KIAA1549L: variants seen among roughly 807,000 people sequenced by gnomAD.
The protein encoded by KIAA1549L is UPF0606 protein KIAA1549L.
Under a neutral mutation model 160.7 loss-of-function variants are expected in KIAA1549L, and 88 were observed. The observed-to-expected ratio is 0.55, with a 90% CI of 0.46 to 0.65. The LOEUF (loss-of-function observed/expected upper bound fraction) is 0.65. Ranked by LOEUF, KIAA1549L falls within the 30% of genes least tolerant of loss-of-function variation. The probability of loss-of-function intolerance (pLI) is 0.00; values close to 1 mark genes in which losing one functional copy is unlikely to be tolerated. For synonymous variants in KIAA1549L, 950 were observed against 976.7 expected (o/e 0.97, Z 0.51); for missense variants, 2,258 against 2,437.5 (o/e 0.93, Z 1.55).
intron 1 of KIAA1549L, among the ~76,000 whole-genome samples, chr11:33,526,021 C>T (rs555801629): frequency 4.6e-5 from 7 of 152,276 alleles, no homozygotes; most frequent in African/African-American, 1.7e-4. Flanking sequence ...TACCCCAGCC[C>T]CACCTGATGG....
intron 16 of KIAA1549L, among the ~76,000 whole-genome samples, chr11:33,623,134 C>T (rs1052896292): frequency 1.3e-5 from 2 of 152,194 alleles, no homozygotes; most frequent in African/African-American, 4.8e-5. Flanking sequence ...CCACTTCCCA[C>T]ACCTGCCCCA....
intron 1 of KIAA1549L, among the ~76,000 whole-genome samples, chr11:33,382,422 A>T (rs1850090171): frequency 6.6e-6 from 1 of 152,122 alleles, no homozygotes; most frequent in Non-Finnish European, 1.5e-5. Flanking sequence ...TAAAACTCTA[A>T]CTGCAGATGG....
intron 1 of KIAA1549L, among the ~76,000 whole-genome samples, chr11:33,525,509 C>T (rs191304334): frequency 5.4e-4 from 82 of 151,080 alleles, no homozygotes; most frequent in Non-Finnish European, 9.7e-4. Context: ...AGAGAGGAGC[C>T]ACAGGTGATG....
chr11:33,465,046 C>CTTTTTTTTTTT (rs1008261470), intron 1 of KIAA1549L, among the ~76,000 whole-genome samples: 3 of 79,004 alleles, frequency 3.8e-5, no homozygotes, highest in African/African-American at 1.6e-4. Context: ...GGACCTTCTT[C>CTTTTTTTTTTT]TTTTTTTTTT....
chr11:33,558,028 C>A (rs1247166480), intron 6 of KIAA1549L, among the ~76,000 whole-genome samples: 1 of 152,164 alleles, frequency 6.6e-6, no homozygotes, highest in Non-Finnish European at 1.5e-5. Flanking sequence ...TTCCTAAAAA[C>A]CCTGACTTGA....
chr11:33,460,158 T>C (rs1851913918), intron 1 of KIAA1549L, among the ~76,000 whole-genome samples: 1 of 152,152 alleles, frequency 6.6e-6, no homozygotes, highest in Non-Finnish European at 1.5e-5. Context: ...CAGGGCCACC[T>C]GTATCTCTCA....
At chr11:33,564,783 T>G (rs1854993256) in intron 8 of KIAA1549L, among the ~76,000 whole-genome samples, 1 of 152,224 alleles carries the variant, frequency 6.6e-6, no homozygotes, top group Non-Finnish European at 1.5e-5. Context: ...CACATTCTCC[T>G]TTTGTAGGAG....
intron 11 of KIAA1549L, among the ~76,000 whole-genome samples, chr11:33,585,998 A>G (rs1160671612): frequency 6.6e-6 from 1 of 152,238 alleles, no homozygotes; most frequent in Non-Finnish European, 1.5e-5. Context: ...GGAAACCAGC[A>G]GGGTGGAACT....
intron 11 of KIAA1549L, among the ~76,000 whole-genome samples, chr11:33,591,008 T>TG (rs1339954432): frequency 6.6e-6 from 1 of 152,260 alleles, no homozygotes; most frequent in African/African-American, 2.4e-5. Flanking sequence ...TTTACAGTCT[T>TG]CATTTTTCTG....
At chr11:33,577,299 A>G (rs925230519) in intron 10 of KIAA1549L, among the ~76,000 whole-genome samples, 1 of 152,154 alleles carries the variant, frequency 6.6e-6, no homozygotes, top group Non-Finnish European at 1.5e-5. Context: ...AAAAGAGAGG[A>G]AATCTTCTGA....
At chr11:33,395,283 C>T (rs1005556265) in intron 1 of KIAA1549L, among the ~76,000 whole-genome samples, 2 of 152,172 alleles carry the variant, frequency 1.3e-5, no homozygotes, top group Non-Finnish European at 2.9e-5. Context: ...CTTCCTTCTG[C>T]CTGTAGCAAT....
At chr11:33,649,782 A>G (rs1447072215) in intron 17 of KIAA1549L, among the ~76,000 whole-genome samples, 1 of 151,130 alleles carries the variant, frequency 6.6e-6, no homozygotes, top group Non-Finnish European at 1.5e-5. Flanking sequence ...AGTTCCAGCT[A>G]CTAGGAGGCT....
intron 1 of KIAA1549L, among the ~76,000 whole-genome samples, chr11:33,407,081 A>C (rs1198072261): frequency 1.0e-5 from 1 of 100,136 alleles, no homozygotes; most frequent in Non-Finnish European, 1.9e-5. Context: ...TTCTTTTTTC[A>C]TTTTTTTTTT....
Position 33,559,758 on chromosome 11 carries a change from A to C in KIAA1549L, c.3865A>C (p.Thr1289Pro). Residue 1289 changes from threonine (T) to proline (P), a missense_variant, in exon 7 of 21, where the codon ACG becomes CCG. This residue lies in a region of KIAA1549L where 1,359 missense variants were observed against 1,546.6 expected (regional missense o/e 0.88). Transcript: ENST00000658780. ...TCCTGTGTTGATTCAGATTGTGAGC[A>C]CGTCCAATGCCTCCCAGGCAGTCAC... ...KSNLTIQIVS[T>P]SNASQAVTLV... 1 of 1,613,806 alleles carries C rather than the reference A, an allele frequency of 6.2e-7. No individual in the cohort carries two copies. The highest frequency in any genetic ancestry group is 8.5e-7 in the Non-Finnish European group (1 of 1,179,822).
chr11:33,542,500 C>G lies in KIAA1549L; in HGVS notation c.937C>G (p.Pro313Ala). ...AAATGCCCAGGATCTCATAGGCATC[C>G]CTCATCTAGGTGTTTCTGGATCCTC... ...SQNAQDLIGIPHLGVSGSSTK... is the reference protein window; with the variant it reads ...SQNAQDLIGIAHLGVSGSSTK... The change falls in exon 2 of 21, where the codon CCT (proline) becomes GCT (alanine). Residue 313 changes from proline to alanine, a missense_variant. By Grantham distance (27) the Pro-to-Ala change is conservative (BLOSUM62 -1). Transcript: ENST00000658780. The G allele has an allele frequency of 6.2e-7, 1 of 1,613,322 alleles. No individual in the cohort carries two copies. Among genetic ancestry groups the G allele is most frequent in the South Asian group, 1.1e-5 (1 of 91,004 alleles).
intron 1 of KIAA1549L, among the ~76,000 whole-genome samples, chr11:33,416,555 A>G (rs928596193): frequency 2.0e-5 from 3 of 152,238 alleles, no homozygotes; most frequent in African/African-American, 7.2e-5. Context: ...TTCATTAGGT[A>G]TTATAAATAA....
rs1009451890 is a variant in KIAA1549L, at chr11:33,669,178, G to T, written c.*1024G>T. 6 of 152,332 alleles carry T rather than the reference G, an allele frequency of 3.9e-5. No homozygotes were observed. The highest frequency in any genetic ancestry group is 8.8e-5 in the Non-Finnish European group (6 of 68,036). The allele number at this position is 152,332 out of a possible 1,614,324, so 9.4% of individuals were successfully genotyped here. A position where few individuals can be genotyped will look rare whatever the true frequency, so the allele number is the denominator to read the frequency against. ...TCCCAGGCCGCAGCCTCTGTTTATA[G>T]AAGCTTCTGAATGTAGAAAAGCTGT... On this transcript the variant is annotated 3_prime_UTR_variant, in exon 21 of 21. Coordinates refer to ENST00000658780, the MANE Select transcript of KIAA1549L (RefSeq NM_012194.3).
intron 15 of KIAA1549L, among the ~76,000 whole-genome samples, chr11:33,613,074 A>G (rs911929151): frequency 1.3e-5 from 2 of 152,086 alleles, no homozygotes; most frequent in Admixed American, 6.5e-5. Flanking sequence ...ATTCTCATGC[A>G]TGTGTCTTTA....
At chr11:33,526,516 C>T (rs1313603610) in intron 1 of KIAA1549L, among the ~76,000 whole-genome samples, 1 of 152,180 alleles carries the variant, frequency 6.6e-6, no homozygotes, top group East Asian at 1.9e-4. Flanking sequence ...CAGACATTCC[C>T]CAGCACCAGC....
Sources: gnomAD v4.1 joint callset for allele counts (sites outside exome capture counted in the v4.1 genomes callset) on GRCh38, gnomAD v4.1.1 for gene constraint, gnomAD v4.1.1 regional missense constraint, MANE v1.5 for transcripts, NCBI Gene and HGNC (gene_info 2026-07-23, HGNC 2026-07-21) for gene names.